The following DLG2 variants were observed in gnomAD, a reference collection of about 807,000 sequenced individuals.
DLG2 encodes the protein discs large MAGUK scaffold protein 2, also known as disks large homolog 2.
In DLG2, 45 loss-of-function variants were observed where a neutral mutation model predicts 132.5. The ratio of observed to expected loss-of-function variants is 0.34; its 90% CI spans 0.27 to 0.44. The LOEUF (loss-of-function observed/expected upper bound fraction) is 0.44, where lower values mean the gene tolerates loss of function less well. DLG2 is among the 20% of genes least tolerant of loss of function. The pLI, the probability that DLG2 is intolerant of heterozygous loss-of-function variation, is 1.00. For synonymous variants in DLG2, 424 were observed against 419.6 expected, an observed-to-expected ratio of 1.01 and a Z score of -0.13; for missense variants, 1,045 against 1,196.9, an observed-to-expected ratio of 0.87 and a Z score of 1.87.
intron 14 of DLG2, among the ~76,000 whole-genome samples, chr11:83,954,873 T>G (rs2086428457): frequency 6.6e-6 from 1 of 152,182 alleles, no homozygotes; most frequent in African/African-American, 2.4e-5. Flanking sequence ...AAATTAAGAT[T>G]CTCAATAAAG....
intron 4 of DLG2, among the ~76,000 whole-genome samples, chr11:85,274,445 C>A (rs999921306): frequency 1.3e-5 from 2 of 152,294 alleles, no homozygotes; most frequent in Admixed American, 6.5e-5. Context: ...ACTTTCACAA[C>A]AGTATCCAAC....
intron 3 of DLG2, among the ~76,000 whole-genome samples, chr11:85,432,703 C>A (rs540189419): frequency 2.0e-5 from 3 of 152,068 alleles, no homozygotes; most frequent in Admixed American, 6.5e-5. Flanking sequence ...GATTAGAGTA[C>A]CTGAAAGAGA....
In DLG2 at chr11:85,412,725, TCACACACA is replaced by T. The variant is rs542505541; in HGVS notation, c.41-127368_41-127361del. Among the ~76,000 whole-genome samples the T allele has an allele frequency of 2.2e-3, 204 of 92,264 alleles. 1 individual carries two copies. Among genetic ancestry groups the T allele is most frequent in the Non-Finnish European group, 2.7e-3 (121 of 45,328 alleles). The allele number at this position is 92,264 out of a possible 152,430, so 60.5% of individuals were successfully genotyped here. On this transcript the variant is annotated intron_variant, in intron 3 of 27. Transcript: ENST00000376104. ...TTCCTTTTGATGGCTGAGCAGTATT[TCACACACA>T]CACACACACACACACACACACACAC...
At chr11:84,710,789 T>C (rs984890362) in intron 6 of DLG2, among the ~76,000 whole-genome samples, 1 of 151,258 alleles carries the variant, frequency 6.6e-6, no homozygotes, top group Non-Finnish European at 1.5e-5. Context: ...GTATTTTATA[T>C]TAGGAATTAC....
At chr11:84,700,779 T>C (rs939047227) in intron 6 of DLG2, among the ~76,000 whole-genome samples, 2 of 151,590 alleles carry the variant, frequency 1.3e-5, no homozygotes, top group Non-Finnish European at 3.0e-5. Flanking sequence ...TTAATTATTA[T>C]AGAGGACACA....
intron 16 of DLG2, among the ~76,000 whole-genome samples, chr11:83,855,888 T>TGTTTGTTGTACTTGAAG (rs1002035834): frequency 7.2e-5 from 11 of 152,192 alleles, no homozygotes; most frequent in African/African-American, 2.4e-4. Context: ...TAGGTAAACT[T>TGTTTGTTGTACTTGAAG]GTTTGTTGTA....
At chr11:84,273,374 C>G in intron 7 of DLG2, 1 of 1,302,254 alleles carries the variant, frequency 7.7e-7, no homozygotes, top group Non-Finnish European at 9.8e-7. Flanking sequence ...ATCTGCTACA[C>G]AAACTGCTAT....
chr11:85,176,488 A>G (rs1170501977), intron 4 of DLG2, among the ~76,000 whole-genome samples: 1 of 152,172 alleles, frequency 6.6e-6, no homozygotes, highest in African/African-American at 2.4e-5. Context: ...ATCTAAATAT[A>G]AAACTCAAAA....
At chr11:84,032,666 C>T (rs1022172120) in intron 11 of DLG2, among the ~76,000 whole-genome samples, 4 of 152,096 alleles carry the variant, frequency 2.6e-5, no homozygotes, top group Admixed American at 6.6e-5. Context: ...AACAGATTTT[C>T]GATGTAGACA....
chr11:84,799,590 T>G (rs2075115494), intron 6 of DLG2, among the ~76,000 whole-genome samples: 1 of 152,242 alleles, frequency 6.6e-6, no homozygotes, highest in Non-Finnish European at 1.5e-5. Flanking sequence ...GCTTCTTTTC[T>G]GCTGTCTTTC....
chr11:84,755,698 C>T (rs1019582822), intron 6 of DLG2, among the ~76,000 whole-genome samples: 4 of 152,342 alleles, frequency 2.6e-5, no homozygotes, highest in African/African-American at 7.2e-5. Flanking sequence ...GCTGGGATTA[C>T]AGGCATGAGC....
chr11:84,128,232 G>C (rs1423138344), intron 9 of DLG2, among the ~76,000 whole-genome samples: 1 of 152,110 alleles, frequency 6.6e-6, no homozygotes, highest in Non-Finnish European at 1.5e-5. Context: ...TCAGATTAAA[G>C]GCCTTTTGTA....
At chr11:85,058,114 T>C (rs904818009) in intron 6 of DLG2, among the ~76,000 whole-genome samples, 19 of 151,536 alleles carry the variant, frequency 1.3e-4, no homozygotes, top group Non-Finnish European at 2.5e-4. Flanking sequence ...AAACTATCAA[T>C]ATTCTCAATT....
chr11:84,382,100 A>G (rs1192874490), intron 7 of DLG2, among the ~76,000 whole-genome samples: 1 of 152,168 alleles, frequency 6.6e-6, no homozygotes, highest in Non-Finnish European at 1.5e-5. Context: ...TTTGGCTAGA[A>G]GCAGTCCTGA....
At chr11:84,157,077 TA>T (rs1224156524) in intron 9 of DLG2, among the ~76,000 whole-genome samples, 3 of 152,090 alleles carry the variant, frequency 2.0e-5, no homozygotes, top group Non-Finnish European at 1.5e-5. Context: ...GTGACAGGAA[TA>T]AAAAAACAGG....
intron 21 of DLG2, among the ~76,000 whole-genome samples, chr11:83,495,315 C>A (rs1236402817): frequency 6.6e-6 from 1 of 152,122 alleles, no homozygotes; most frequent in Non-Finnish European, 1.5e-5. Context: ...AGACATCAAG[C>A]AGAGAATACA....
intron 4 of DLG2, among the ~76,000 whole-genome samples, chr11:85,192,828 A>G (rs1350172254): frequency 2.0e-5 from 3 of 152,124 alleles, no homozygotes; most frequent in African/African-American, 7.2e-5. Flanking sequence ...AATAGCATGC[A>G]CTCCATTCTT....
At chr11:84,729,010 T>C (rs1565802537) in intron 6 of DLG2, among the ~76,000 whole-genome samples, 1 of 151,620 alleles carries the variant, frequency 6.6e-6, no homozygotes, top group African/African-American at 2.4e-5. Flanking sequence ...GCTAGCAGTC[T>C]ATTTTGTTGA....
At chr11:84,945,592 G>A (rs184201823) in intron 6 of DLG2, among the ~76,000 whole-genome samples, 34 of 152,294 alleles carry the variant, frequency 2.2e-4, no homozygotes, top group Non-Finnish European at 1.2e-4. Flanking sequence ...CAAGGCTCAA[G>A]TGCTTTACCT....
Sources: allele counts gnomAD v4.1 joint callset (sites outside exome capture counted in the v4.1 genomes callset), GRCh38; gene constraint gnomAD v4.1.1; transcripts MANE v1.5; gene names NCBI Gene and HGNC (gene_info 2026-07-23, HGNC 2026-07-21).